Variants in LPIN2 observed in about 807,000 individuals in gnomAD.
The protein encoded by LPIN2 is lipin 2.
A neutral mutation model predicts 111.4 loss-of-function variants in LPIN2; 55 were observed. That is an observed-to-expected ratio of 0.49 (90% CI 0.40 to 0.62). The LOEUF is 0.62. LPIN2 is among the 20% of genes least tolerant of loss of function. LPIN2 has a pLI of 0.00. For synonymous variants in LPIN2, 425 were observed against 414.0 expected (o/e 1.03, Z -0.32); for missense variants, 992 against 1,112.1 (o/e 0.89, Z 1.54).
At chr18:2,999,621 A>AG (rs1045616031) in intron 1 of LPIN2, among the ~76,000 whole-genome samples, 3 of 150,308 alleles carry the variant, frequency 2.0e-5, no homozygotes, top group African/African-American at 7.3e-5. Context: ...AAAAAAAAAA[A>AG]GAGGAAATCT....
chr18:2,923,906 C>G, intron 15 of LPIN2, 45 bp from the exon 16 acceptor site: 1 of 1,495,910 alleles, frequency 6.7e-7, no homozygotes, highest in Non-Finnish European at 9.3e-7. Flanking sequence ...GAATCAAACA[C>G]ATACAGCGTT....
At chr18:2,960,129 C>A (rs988546673) in intron 2 of LPIN2, among the ~76,000 whole-genome samples, 4 of 151,050 alleles carry the variant, frequency 2.6e-5, no homozygotes, top group African/African-American at 9.7e-5. Flanking sequence ...AAGATCACAC[C>A]GCTGTACTCC....
chr18:2,945,745 G>A, intron 4 of LPIN2: 1 of 1,192,504 alleles, frequency 8.4e-7, no homozygotes, highest in Non-Finnish European at 1.3e-6. Flanking sequence ...AATACAATAT[G>A]CGCATCTAAC....
At chr18:2,998,947 A>G (rs1483032553) in intron 1 of LPIN2, among the ~76,000 whole-genome samples, 1 of 152,246 alleles carries the variant, frequency 6.6e-6, no homozygotes, top group African/African-American at 2.4e-5. Flanking sequence ...AGGAACATGC[A>G]GAAATTTTGG....
intron 1 of LPIN2, among the ~76,000 whole-genome samples, chr18:2,991,431 T>C (rs2078263557): frequency 6.6e-6 from 1 of 152,106 alleles, no homozygotes; most frequent in African/African-American, 2.4e-5. Context: ...AAAAGCTAAA[T>C]ATGGAATTAC....
intron 9 of LPIN2, 65 bp downstream of exon 9, chr18:2,931,191 G>A (rs2077208061): frequency 6.4e-7 from 1 of 1,552,204 alleles, no homozygotes; most frequent in Non-Finnish European, 8.9e-7. Context: ...TACACGGTAA[G>A]TTTTAACCAA....
At chr18:2,960,431 C>T (rs376650792) in intron 2 of LPIN2, among the ~76,000 whole-genome samples, 2 of 151,194 alleles carry the variant, frequency 1.3e-5, no homozygotes, top group East Asian at 3.9e-4. Context: ...CTTCTGCAGT[C>T]GAGCTTTGTG....
At chr18:2,974,404 T>C (rs1018879004) in intron 1 of LPIN2, among the ~76,000 whole-genome samples, 1 of 152,184 alleles carries the variant, frequency 6.6e-6, no homozygotes, top group Non-Finnish European at 1.5e-5. Context: ...TTTTAAGGAA[T>C]CTTCAGTGTC....
intron 1 of LPIN2, among the ~76,000 whole-genome samples, chr18:3,012,677 G>A (rs1175967606): frequency 6.6e-6 from 1 of 152,166 alleles, no homozygotes; most frequent in East Asian, 1.9e-4. Flanking sequence ...GCGGCCTCCC[G>A]CGCGCCTTCC....
intron 8 of LPIN2, among the ~76,000 whole-genome samples, chr18:2,932,753 G>T (rs1367188611): frequency 6.6e-6 from 1 of 152,190 alleles, no homozygotes; most frequent in Non-Finnish European, 1.5e-5. Flanking sequence ...CCTCTCCTAT[G>T]CGATGCTCAT....
chr18:2,974,450 T>C (rs1385526912), intron 1 of LPIN2, among the ~76,000 whole-genome samples: 1 of 152,244 alleles, frequency 6.6e-6, no homozygotes, highest in Non-Finnish European at 1.5e-5. Context: ...ATCCTTCCTT[T>C]GTAAAATAAC....
chr18:2,983,172 C>T (rs2078137932), intron 1 of LPIN2, among the ~76,000 whole-genome samples: 1 of 152,168 alleles, frequency 6.6e-6, no homozygotes, highest in African/African-American at 2.4e-5. Flanking sequence ...GGAGAGTGAT[C>T]TTACATAAGC....
chr18:2,964,074 G>A (rs943030833), intron 1 of LPIN2, among the ~76,000 whole-genome samples: 8 of 151,680 alleles, frequency 5.3e-5, no homozygotes, highest in Admixed American at 6.6e-5. Flanking sequence ...TTGAAGTCAG[G>A]AGTTCAAGAC....
intron 1 of LPIN2, among the ~76,000 whole-genome samples, chr18:2,991,737 C>G (rs1016328500): frequency 6.6e-6 from 1 of 152,008 alleles, no homozygotes; most frequent in African/African-American, 2.4e-5. Flanking sequence ...TAAGGCCGGG[C>G]ACAGTGGCTC....
At chr18:2,929,965 A>C (rs530433747) in intron 9 of LPIN2, among the ~76,000 whole-genome samples, 1 of 152,180 alleles carries the variant, frequency 6.6e-6, no homozygotes, top group South Asian at 2.1e-4. Flanking sequence ...AGAATTAAAA[A>C]AACAAAACAA....
intron 1 of LPIN2, among the ~76,000 whole-genome samples, chr18:2,963,606 G>C (rs868696317): frequency 1.3e-5 from 2 of 151,880 alleles, no homozygotes; most frequent in Admixed American, 6.5e-5. Context: ...CATGCAGAAA[G>C]AAACAAACAA....
chr18:2,993,147 GAAGAAAA>G (rs971705128), intron 1 of LPIN2, among the ~76,000 whole-genome samples: 6 of 150,154 alleles, frequency 4.0e-5, no homozygotes, highest in Non-Finnish European at 5.9e-5. Context: ...CCTGACGGAG[GAAGAAAA>G]AAGAAAGAAG....
At chr18:2,955,327 AC>A in intron 2 of LPIN2, among the ~76,000 whole-genome samples, 1 of 152,238 alleles carries the variant, frequency 6.6e-6, no homozygotes. Context: ...ACCTTTACTC[AC>A]GGTGAAAGGC....
intron 16 of LPIN2, among the ~76,000 whole-genome samples, chr18:2,923,379 C>T (rs943878726): frequency 7.8e-6 from 1 of 128,396 alleles, no homozygotes. Flanking sequence ...AAGGTCGCGC[C>T]ATTGCACTTC....
Sources: gnomAD v4.1 joint callset for allele counts (sites outside exome capture counted in the v4.1 genomes callset) on GRCh38, gnomAD v4.1.1 for gene constraint, MANE v1.5 for transcripts, NCBI Gene and HGNC (gene_info 2026-07-23, HGNC 2026-07-21) for gene names.